Variants in KLF12 observed in about 807,000 individuals in gnomAD.
KLF12 encodes Krueppel-like factor 12.
Under a neutral mutation model 37.8 loss-of-function variants are expected in KLF12, and 9 were observed. The observed-to-expected ratio is 0.24, with a 90% CI of 0.14 to 0.42. The LOEUF is 0.42. KLF12 is among the 10% of genes least tolerant of loss of function. The pLI is 1.00. For synonymous variants in KLF12, 208 were observed against 202.1 expected, an observed-to-expected ratio of 1.03 and a Z score of -0.25; for missense variants, 411 against 516.0, an observed-to-expected ratio of 0.80 and a Z score of 1.97.
At chr13:73,762,979 T>TCCTACTA (rs1879666574) in intron 6 of KLF12, among the ~76,000 whole-genome samples, 1 of 152,156 alleles carries the variant, frequency 6.6e-6, no homozygotes, top group African/African-American at 2.4e-5. Context: ...CCATGTATGC[T>TCCTACTA]CCTACTAGAG....
intron 2 of KLF12, among the ~76,000 whole-genome samples, chr13:73,958,544 A>G (rs539702485): frequency 6.7e-6 from 1 of 149,392 alleles, no homozygotes; most frequent in African/African-American, 2.4e-5. Context: ...TGCCCAGCCA[A>G]TTTTTTTTTT....
At chr13:74,022,051 C>G (rs1007110115) in intron 1 of KLF12, among the ~76,000 whole-genome samples, 10 of 152,202 alleles carry the variant, frequency 6.6e-5, no homozygotes, top group African/African-American at 2.4e-4. Context: ...CATCTACATG[C>G]AAAAGACCTG....
intron 3 of KLF12, among the ~76,000 whole-genome samples, chr13:73,884,380 G>A (rs1887119353): frequency 6.6e-6 from 1 of 152,166 alleles, no homozygotes; most frequent in Non-Finnish European, 1.5e-5. Context: ...ATTCTCCAGT[G>A]TCCTGAATCT....
At chr13:73,964,760 T>A (rs1272103359) in intron 2 of KLF12, among the ~76,000 whole-genome samples, 1 of 152,088 alleles carries the variant, frequency 6.6e-6, no homozygotes, top group Non-Finnish European at 1.5e-5. Flanking sequence ...GGTGGGAGGA[T>A]CACTTGAGCC....
chr13:73,763,637 C>T (rs923437343), intron 6 of KLF12, among the ~76,000 whole-genome samples: 5 of 152,146 alleles, frequency 3.3e-5, no homozygotes, highest in African/African-American at 1.2e-4. Context: ...TTACATTTAG[C>T]CATTGAGAAC....
the KLF12 span, among the ~76,000 whole-genome samples, chr13:74,254,885 C>T: frequency 1.3e-5 from 2 of 152,052 alleles, no homozygotes; most frequent in Non-Finnish European, 2.9e-5. Flanking sequence ...CTCAGCTGTG[C>T]TATGAATAAG....
intron 3 of KLF12, among the ~76,000 whole-genome samples, chr13:73,925,447 A>T (rs1889328874): frequency 6.6e-6 from 1 of 152,222 alleles, no homozygotes; most frequent in Non-Finnish European, 1.5e-5. Flanking sequence ...TGATTTACGG[A>T]GTATTTTAAG....
At chr13:73,817,544 G>C (rs184279138) in intron 4 of KLF12, among the ~76,000 whole-genome samples, 1 of 152,238 alleles carries the variant, frequency 6.6e-6, no homozygotes, top group African/African-American at 2.4e-5. Context: ...ATTGAATTAA[G>C]TTTGGCCTAA....
intron 3 of KLF12, among the ~76,000 whole-genome samples, chr13:73,866,888 G>C (rs191169407): frequency 6.0e-5 from 9 of 150,552 alleles, no homozygotes; most frequent in African/African-American, 7.3e-5. Flanking sequence ...GGCAAAAAGG[G>C]GGGGGGGAAT....
the KLF12 span, among the ~76,000 whole-genome samples, chr13:74,247,616 T>G: frequency 6.6e-6 from 1 of 152,178 alleles, no homozygotes; most frequent in East Asian, 1.9e-4. Context: ...TATGTCAAGT[T>G]ATCTTTTTTT....
At chr13:74,258,522 A>G in the KLF12 span, 2 of 152,350 alleles carry the variant, frequency 1.3e-5, no homozygotes, top group East Asian at 3.9e-4. Context: ...AATGTAAAAC[A>G]CTAAAAATTA....
At chr13:74,277,365 C>T in the KLF12 span, among the ~76,000 whole-genome samples, 2 of 152,176 alleles carry the variant, frequency 1.3e-5, no homozygotes, top group Admixed American at 6.5e-5. Context: ...ACCTGCCCAA[C>T]AGGATGTGGT....
chr13:74,163,839 G>GTATA, the KLF12 span, among the ~76,000 whole-genome samples: 48 of 149,132 alleles, frequency 3.2e-4, no homozygotes, highest in East Asian at 1.4e-3. Flanking sequence ...TGTGCACCCC[G>GTATA]TATATATATA....
rs1491104377 is a variant in KLF12 at position 74,041,732 on chromosome 13, A to ACACC, written c.-31-46680_-31-46679insGGTG. Among the ~76,000 whole-genome samples the ACACC allele has an allele frequency of 2.2e-3, 311 of 139,596 alleles. 1 individual carries two copies. The highest frequency in any genetic ancestry group is 9.6e-3 in the East Asian group (46 of 4,774). 91.6% of individuals were successfully genotyped at this position (139,596 alleles called of 152,430 possible). A position where few individuals can be genotyped will look rare whatever the true frequency, so the allele number is the denominator to read the frequency against. ...CACACACACACACACACACACACAC[A>ACACC]CCCCTTCAAAACAGAAAAGAAAACA... On this transcript the variant is annotated intron_variant, in intron 1 of 7. Coordinates refer to ENST00000377669, the MANE Select transcript of KLF12 (RefSeq NM_007249.5).
rs1418003443 is a variant in KLF12, at chr13:73,691,160, C to T, written c.*4330G>A. On this transcript the variant is annotated 3_prime_UTR_variant, in exon 8 of 8. Transcript: ENST00000377669. ...AAAGTTCTTTGCTGATATTTGTTAGCCCACTGGCTGCTGCATATACAGTTG... is the reference window on the plus strand; with the variant it reads ...AAAGTTCTTTGCTGATATTTGTTAGTCCACTGGCTGCTGCATATACAGTTG... 6.6e-6 allele frequency: 1 copy of T among 152,594 alleles called. No individual in the cohort carries two copies. Among genetic ancestry groups the T allele is most frequent in the African/African-American group, 2.4e-5 (1 of 41,430 alleles). 9.5% of individuals were successfully genotyped at this position (152,594 alleles called of 1,614,324 possible).
intron 1 of KLF12, among the ~76,000 whole-genome samples, chr13:74,057,635 A>T (rs563723427): frequency 1.3e-5 from 2 of 152,352 alleles, no homozygotes; most frequent in Admixed American, 1.3e-4. Context: ...TACAGAAGAG[A>T]CAAGTCAATT....
chr13:73,705,872 G>A (rs1034495509), intron 7 of KLF12, among the ~76,000 whole-genome samples: 1 of 152,188 alleles, frequency 6.6e-6, no homozygotes, highest in Non-Finnish European at 1.5e-5. Context: ...ATCCCATGGC[G>A]GCCGGGTGCA....
At chr13:73,756,175 TTTATC>T (rs1330280892) in intron 6 of KLF12, among the ~76,000 whole-genome samples, 1 of 152,186 alleles carries the variant, frequency 6.6e-6, no homozygotes, top group Non-Finnish European at 1.5e-5. Flanking sequence ...ATAAATATTA[TTTATC>T]TTAAAGAGCC....
intron 4 of KLF12, among the ~76,000 whole-genome samples, chr13:73,841,786 G>A (rs995372754): frequency 2.6e-5 from 4 of 152,066 alleles, no homozygotes; most frequent in Non-Finnish European, 5.9e-5. Flanking sequence ...TGGGAACCCC[G>A]CACCTCCCAG....
Sources: gnomAD v4.1 joint callset for allele counts (sites outside exome capture counted in the v4.1 genomes callset) on GRCh38, gnomAD v4.1.1 for gene constraint, MANE v1.5 for transcripts, NCBI Gene and HGNC (gene_info 2026-07-23, HGNC 2026-07-21) for gene names.